Variants in UTRN observed in about 807,000 individuals in gnomAD.
The protein encoded by UTRN is utrophin.
Under a neutral mutation model 463.9 loss-of-function variants are expected in UTRN, and 283 were observed. The ratio of observed to expected loss-of-function variants is 0.61; its 90% CI spans 0.55 to 0.67. The LOEUF (loss-of-function observed/expected upper bound fraction) is 0.67, where lower values mean the gene tolerates loss of function less well. Among genes scored for constraint, UTRN ranks in the 30% least tolerant of loss-of-function variants. The probability of loss-of-function intolerance (pLI) is 0.00; values close to 1 mark genes in which losing one functional copy is unlikely to be tolerated. For synonymous variants in UTRN, 1,442 were observed against 1,431.5 expected (o/e 1.01, Z -0.17); for missense variants, 3,922 against 4,084.3 (o/e 0.96, Z 1.08).
At chr6:144,484,316 A>G (rs1007786489) in intron 27 of UTRN, among the ~76,000 whole-genome samples, 9 of 152,004 alleles carry the variant, frequency 5.9e-5, no homozygotes, top group African/African-American at 1.2e-4. Flanking sequence ...AAACTTTTAC[A>G]TCAGTTAGCT....
chr6:144,344,212 T>A, intron 2 of UTRN: 1 of 1,304,086 alleles, frequency 7.7e-7, no homozygotes, highest in Non-Finnish European at 1.0e-6. Flanking sequence ...ATGTAGGTGA[T>A]GAGCGGCCTG....
In UTRN at chr6:144,522,259, A is replaced by G. The variant is rs974266490; in HGVS notation, c.5733+88A>G. On this transcript the variant is annotated intron_variant, in intron 40 of 74. Transcript: ENST00000367545. Reference sequence around the variant, plus strand: ...GTTCTTGTGCCTACTTAGATGGTCTATATCTTTTACAATTTGTGCCAGGGG... The same window carrying G: ...GTTCTTGTGCCTACTTAGATGGTCTGTATCTTTTACAATTTGTGCCAGGGG... The G allele has an allele frequency of 6.9e-5, 75 of 1,085,620 alleles. No individual in the cohort carries two copies. Among genetic ancestry groups the G allele is most frequent in the Admixed American group, 3.4e-4 (11 of 32,800 alleles). 67.2% of individuals were successfully genotyped at this position (1,085,620 alleles called of 1,614,324 possible).
At chr6:144,580,229 G>GTGGTGGTGCTGGTGGTGC (rs71552923) in intron 51 of UTRN, among the ~76,000 whole-genome samples, 4 of 151,016 alleles carry the variant, frequency 2.6e-5, no homozygotes, top group South Asian at 4.2e-4. Flanking sequence ...GGCAGTGGTG[G>GTGGTGGTGCTGGTGGTGC]TGGTGGTGCT....
At chr6:144,635,216 T>C (rs770095099) in intron 51 of UTRN, among the ~76,000 whole-genome samples, 3 of 148,980 alleles carry the variant, frequency 2.0e-5, no homozygotes, top group Non-Finnish European at 3.0e-5. Flanking sequence ...AGTAGTATGA[T>C]CTGGGCTCAC....
chr6:144,792,930 T>C (rs1038373224), intron 62 of UTRN, among the ~76,000 whole-genome samples: 2 of 152,130 alleles, frequency 1.3e-5, no homozygotes, highest in East Asian at 3.9e-4. Flanking sequence ...TTAAGAAAAT[T>C]ATAAAACAAA....
In UTRN at chr6:144,427,061, G is replaced by C. The variant is rs540850803; in HGVS notation, c.578+602G>C. On this transcript the variant is annotated intron_variant, in intron 7 of 74. Transcript: ENST00000367545. ...AAATTGCCGACATGTGAGTGTTTTTGCTATATAAGAATGGTGTTTTCATAT... is the reference window on the plus strand; with the variant it reads ...AAATTGCCGACATGTGAGTGTTTTTCCTATATAAGAATGGTGTTTTCATAT... Among the ~76,000 whole-genome samples the C allele has an allele frequency of 2.0e-5, 3 of 152,250 alleles. No individual in the cohort carries two copies. In the East Asian group the frequency reaches 5.8e-4, roughly 29 times the overall value.
chr6:144,437,015 C>T (rs571616547), intron 10 of UTRN, among the ~76,000 whole-genome samples: 32 of 149,880 alleles, frequency 2.1e-4, no homozygotes, highest in Middle Eastern at 3.4e-3. Flanking sequence ...TGCAGTGGCA[C>T]AATCTTGGCT....
chr6:144,695,699 A>G (rs185258212), intron 52 of UTRN, among the ~76,000 whole-genome samples: 2 of 152,362 alleles, frequency 1.3e-5, no homozygotes, highest in East Asian at 3.9e-4. Flanking sequence ...ATCTAAAACA[A>G]TACATACAAT....
chr6:144,666,841 C>T (rs1226838454), intron 51 of UTRN, among the ~76,000 whole-genome samples: 1 of 152,194 alleles, frequency 6.6e-6, no homozygotes, highest in African/African-American at 2.4e-5. Flanking sequence ...GCCAGCTATG[C>T]AGTCCTGTTT....
Position 144,389,711 on chromosome 6 carries a change from G to T in UTRN, c.80-13412G>T, listed in dbSNP as rs78631927. ...TCTCCCAGGTTCAAGCGATTCTCCC[G>T]CCTCAGCCTCCTGAGTAGCTGGGAT... On this transcript the variant is annotated intron_variant, in intron 2 of 74. Coordinates refer to ENST00000367545, the MANE Select transcript of UTRN (RefSeq NM_007124.3). Among the ~76,000 whole-genome samples the T allele has an allele frequency of 4.4e-3, 664 of 151,966 alleles. 7 individuals carry two copies. The highest frequency in any genetic ancestry group is 0.03 in the East Asian group (155 of 5,152).
intron 51 of UTRN, among the ~76,000 whole-genome samples, chr6:144,640,425 C>T (rs565223808): frequency 6.6e-6 from 1 of 152,268 alleles, no homozygotes; most frequent in African/African-American, 2.4e-5. Flanking sequence ...AAAAGCTTTA[C>T]AGTGTCTAAA....
intron 53 of UTRN, chr6:144,706,839 A>G (rs1785150043): frequency 1.3e-5 from 2 of 152,166 alleles, no homozygotes; most frequent in Admixed American, 1.3e-4. Flanking sequence ...ACTACAATCC[A>G]GGTAAAATAC....
intron 50 of UTRN, among the ~76,000 whole-genome samples, chr6:144,573,746 C>T (rs1258392902): frequency 6.6e-6 from 1 of 151,636 alleles, no homozygotes; most frequent in Non-Finnish European, 1.5e-5. Flanking sequence ...GAAAGATTGT[C>T]ATTTGGTAAA....
chr6:144,335,601 A>G (rs956951880), intron 2 of UTRN, among the ~76,000 whole-genome samples: 1 of 151,962 alleles, frequency 6.6e-6, no homozygotes, highest in Non-Finnish European at 1.5e-5. Flanking sequence ...CGGCTCTTTC[A>G]CTGCTGTACT....
chr6:144,316,381 A>AG (rs1282287940), intron 2 of UTRN, among the ~76,000 whole-genome samples: 2 of 152,194 alleles, frequency 1.3e-5, no homozygotes, highest in Non-Finnish European at 2.9e-5. Context: ...ATCGGAAATG[A>AG]GAGGGTCTGG....
rs374606797 is a variant in UTRN at position 144,459,227 on chromosome 6, A to G, written c.2580A>G (p.Ala860=). ...ACCCCAAAATTGAAATGGCTCGTGC[A>G]AGCTGCTCGGCCCTGATGTCTCAGC... ...GLHPKIEMAR[A]SCSALMSQPS... The change falls in exon 21 of 75, where the codon GCA becomes GCG. Residue 860 remains alanine (A), a synonymous_variant. Coordinates refer to ENST00000367545, the MANE Select transcript of UTRN (RefSeq NM_007124.3). The G allele has an allele frequency of 5.6e-6, 9 of 1,613,978 alleles. No homozygotes were observed. The highest frequency in any genetic ancestry group is 7.6e-6 in the Non-Finnish European group (9 of 1,179,968).
Position 144,748,342 on chromosome 6 carries a change from C to A in UTRN, c.8036C>A (p.Thr2679Asn). The change falls in exon 55 of 75, where the codon ACT becomes AAT. Residue 2679 changes from threonine (T) to asparagine (N), a missense_variant. By Grantham distance (65) the Thr-to-Asn change is moderately conservative. Coordinates refer to ENST00000367545, the MANE Select transcript of UTRN (RefSeq NM_007124.3). ...KEKWESLNAVTSNWQKQVDKA... is the reference protein window; with the variant it reads ...KEKWESLNAVNSNWQKQVDKA... ...AAATGGGAAAGTCTAAATGCTGTAA[C>A]TAGCAATTGGCAAAAGCAAGTGGAC... 6.2e-7 allele frequency: 1 copy of A among 1,613,682 alleles called. No individual in the cohort carries two copies. The highest frequency in any genetic ancestry group is 2.2e-5 in the East Asian group (1 of 44,764).
At chr6:144,819,743 G>A (rs1336780474) in intron 65 of UTRN, among the ~76,000 whole-genome samples, 1 of 152,092 alleles carries the variant, frequency 6.6e-6, no homozygotes, top group African/African-American at 2.4e-5. Flanking sequence ...GTGAGTCCTG[G>A]GCATGCATGT....
intron 2 of UTRN, chr6:144,330,973 G>A (rs1776292531): frequency 1.0e-6 from 1 of 985,406 alleles, no homozygotes; most frequent in African/African-American, 1.7e-5. Context: ...AGAAATGGAA[G>A]TGAGATCTGA....
Sources: gnomAD v4.1 joint callset for allele counts (sites outside exome capture counted in the v4.1 genomes callset) on GRCh38, gnomAD v4.1.1 for gene constraint, MANE v1.5 for transcripts, NCBI Gene and HGNC (gene_info 2026-07-23, HGNC 2026-07-21) for gene names.